HNRNPLL: variants seen among roughly 807,000 people sequenced by gnomAD.
HNRNPLL encodes the protein heterogeneous nuclear ribonucleoprotein L like, also known as heterogeneous nuclear ribonucleoprotein L-like.
In HNRNPLL, 25 loss-of-function variants were observed where a neutral mutation model predicts 67.1. That is an observed-to-expected ratio of 0.37 (90% CI 0.27 to 0.52). The LOEUF (loss-of-function observed/expected upper bound fraction) is 0.52, where lower values mean the gene tolerates loss of function less well. Ranked by LOEUF, HNRNPLL falls within the 20% of genes least tolerant of loss-of-function variation. The pLI is 0.90. For missense variants in HNRNPLL, 542 were observed against 673.9 expected (o/e 0.80, Z 2.17); for synonymous variants, 267 against 241.7 (o/e 1.10, Z -0.97).
At chr2:38,590,999 T>C (rs1463312321) in intron 2 of HNRNPLL, among the ~76,000 whole-genome samples, 1 of 152,062 alleles carries the variant, frequency 6.6e-6, no homozygotes, top group Non-Finnish European at 1.5e-5. Flanking sequence ...AGAGAGACCC[T>C]GTCTCAAAAA....
At chr2:38,578,403 GT>G (rs1666385071) in intron 6 of HNRNPLL, among the ~76,000 whole-genome samples, 1 of 151,972 alleles carries the variant, frequency 6.6e-6, no homozygotes, top group Non-Finnish European at 1.5e-5. Context: ...CTTTTAGAAA[GT>G]TTGCTGATGA....
At chr2:38,588,919 C>T (rs1411909775) in intron 2 of HNRNPLL, among the ~76,000 whole-genome samples, 1 of 152,142 alleles carries the variant, frequency 6.6e-6, no homozygotes, top group Non-Finnish European at 1.5e-5. Flanking sequence ...AACAAAAAAG[C>T]TAAGGGACAT....
chr2:38,566,939 G>A (rs1039830477), intron 12 of HNRNPLL, among the ~76,000 whole-genome samples: 1 of 151,956 alleles, frequency 6.6e-6, no homozygotes, highest in Non-Finnish European at 1.5e-5. Context: ...TTCATCAGTG[G>A]GGGGACGGGT....
intron 3 of HNRNPLL, among the ~76,000 whole-genome samples, chr2:38,584,822 A>G (rs1189203259): frequency 6.6e-6 from 1 of 152,104 alleles, no homozygotes; most frequent in Non-Finnish European, 1.5e-5. Flanking sequence ...TATAATTTAC[A>G]CAGCTGCATT....
intron 1 of HNRNPLL, among the ~76,000 whole-genome samples, chr2:38,596,171 TCC>T (rs1452081957): frequency 2.6e-5 from 4 of 152,144 alleles, no homozygotes; most frequent in African/African-American, 4.8e-5. Context: ...AGCTTCGTTT[TCC>T]CCCTTTTCCC....
chr2:38,596,184 C>G (rs1398760650), intron 1 of HNRNPLL, among the ~76,000 whole-genome samples: 1 of 152,126 alleles, frequency 6.6e-6, no homozygotes, highest in Non-Finnish European at 1.5e-5. Context: ...CCCTTTTCCC[C>G]CAAAATACTC....
chr2:38,569,645 G>A (rs1220123993), intron 9 of HNRNPLL, among the ~76,000 whole-genome samples, 159 bp downstream of exon 9: 7 of 152,018 alleles, frequency 4.6e-5, no homozygotes, highest in African/African-American at 7.2e-5. Flanking sequence ...TGAGTGATAC[G>A]ACCCTAACTC....
chr2:38,575,012 A>G (rs1019885580), intron 7 of HNRNPLL, among the ~76,000 whole-genome samples: 1 of 151,678 alleles, frequency 6.6e-6, no homozygotes, highest in African/African-American at 2.4e-5. Flanking sequence ...CATCACACTA[A>G]ATTTTCTTTT....
chr2:38,584,393 TTTC>T (rs1376616300), intron 3 of HNRNPLL, among the ~76,000 whole-genome samples: 2 of 152,172 alleles, frequency 1.3e-5, no homozygotes, highest in Admixed American at 1.3e-4. Flanking sequence ...TCTTAAGGTA[TTTC>T]TTCACCTACA....
rs111608342 is a variant in HNRNPLL at position 38,585,410 on chromosome 2, G to A, written c.546+234C>T. Among the ~76,000 whole-genome samples the A allele has an allele frequency of 8.7e-4, 132 of 152,228 alleles. 1 individual carries two copies. The highest frequency in any genetic ancestry group is 3.0e-3 in the African/African-American group (125 of 41,548). On this transcript the variant is annotated intron_variant, in intron 3 of 12. Coordinates refer to ENST00000449105, the MANE Select transcript of HNRNPLL (RefSeq NM_138394.4). ...TATTATCAAAAACAGAACTGGTACTGATTATACATTAAAAATTTCAATGTG... is the reference window on the plus strand; with the variant it reads ...TATTATCAAAAACAGAACTGGTACTAATTATACATTAAAAATTTCAATGTG...
chr2:38,589,298 G>C (rs1269572687), intron 2 of HNRNPLL, among the ~76,000 whole-genome samples: 2 of 152,034 alleles, frequency 1.3e-5, no homozygotes, highest in African/African-American at 4.8e-5. Flanking sequence ...ACTGAACTTG[G>C]TGATTCACCA....
At chr2:38,585,581 A>G (rs541362797) in intron 3 of HNRNPLL, 63 bp downstream of exon 3, 1 of 949,934 alleles carries the variant, frequency 1.1e-6, no homozygotes, top group Non-Finnish European at 1.7e-6. Context: ...ACTACAGATC[A>G]GTCACTCTGG....
At chr2:38,601,521 T>C (rs1384232610) in intron 1 of HNRNPLL, 1 of 152,214 alleles carries the variant, frequency 6.6e-6, no homozygotes, top group Admixed American at 6.5e-5. Context: ...AAAAGGGCAA[T>C]AACGTTTGCT....
At chr2:38,600,082 T>C in intron 1 of HNRNPLL, 1 of 241,740 alleles carries the variant, frequency 4.1e-6, no homozygotes, top group East Asian at 1.3e-4. Flanking sequence ...ATGTACAGGT[T>C]TCCATAGTTG....
chr2:38,592,212 A>T (rs968379635), intron 1 of HNRNPLL, among the ~76,000 whole-genome samples: 1 of 152,218 alleles, frequency 6.6e-6, no homozygotes, highest in Non-Finnish European at 1.5e-5. Flanking sequence ...CTTCAAGAAA[A>T]TCTCAGAAAG....
At chr2:38,580,261 T>C (rs1291781384) in intron 6 of HNRNPLL, among the ~76,000 whole-genome samples, 1 of 152,220 alleles carries the variant, frequency 6.6e-6, no homozygotes, top group African/African-American at 2.4e-5. Flanking sequence ...AAGGATGTGC[T>C]TTCTAATACT....
chr2:38,597,303 T>C (rs1171242638), intron 1 of HNRNPLL, among the ~76,000 whole-genome samples: 1 of 152,240 alleles, frequency 6.6e-6, no homozygotes, highest in African/African-American at 2.4e-5. Flanking sequence ...GGTTCTTCTG[T>C]CACTCCTTTT....
chr2:38,602,269 G>C lies in HNRNPLL; in HGVS notation c.189+169C>G. 9.7e-6 allele frequency: 6 copies of C among 620,742 alleles called. 1 individual carries two copies. The South Asian group carries it at 1.3e-4, about 14-fold the overall frequency. 38.5% of individuals were successfully genotyped at this position (620,742 alleles called of 1,614,324 possible). ...CGCCGGGTTCGCAGTCGGGATGCGG[G>C]AAACAGGTAGAGGCCAGAATACGAG... On this transcript the variant is annotated intron_variant, in intron 1 of 12. Coordinates refer to ENST00000449105, the MANE Select transcript of HNRNPLL (RefSeq NM_138394.4).
intron 1 of HNRNPLL, among the ~76,000 whole-genome samples, chr2:38,599,345 A>T (rs1667330397): frequency 6.6e-6 from 1 of 152,252 alleles, no homozygotes; most frequent in Admixed American, 6.5e-5. Context: ...CTCCATCCCA[A>T]TTCCTCAAGT....
Sources: allele counts gnomAD v4.1 joint callset (sites outside exome capture counted in the v4.1 genomes callset), GRCh38; gene constraint gnomAD v4.1.1; transcripts MANE v1.5; gene names NCBI Gene and HGNC (gene_info 2026-07-23, HGNC 2026-07-21).